The following PRR14L variants were observed in gnomAD, a reference collection of about 807,000 sequenced individuals.
The protein encoded by PRR14L is proline rich 14 like.
Under a neutral mutation model 155.0 loss-of-function variants are expected in PRR14L, and 80 were observed. That is an observed-to-expected ratio of 0.52 (90% CI 0.43 to 0.62). The LOEUF (loss-of-function observed/expected upper bound fraction) is 0.62, where lower values mean the gene tolerates loss of function less well. Ranked by LOEUF, PRR14L falls within the 20% of genes least tolerant of loss-of-function variation. The probability of loss-of-function intolerance (pLI) is 0.00; values close to 1 mark genes in which losing one functional copy is unlikely to be tolerated. For missense variants in PRR14L, 2,469 were observed against 2,548.0 expected, an observed-to-expected ratio of 0.97 and a Z score of 0.67; for synonymous variants, 883 against 916.0, an observed-to-expected ratio of 0.96 and a Z score of 0.65.
intron 1 of PRR14L, among the ~76,000 whole-genome samples, chr22:31,746,820 G>A (rs1205868026): frequency 2.1e-5 from 3 of 141,750 alleles, no homozygotes; most frequent in Non-Finnish European, 3.0e-5. Flanking sequence ...TTTTTGAGAC[G>A]GAGTCTCACT....
chr22:31,733,992 G>A (rs752374846), intron 2 of PRR14L, among the ~76,000 whole-genome samples: 2 of 151,264 alleles, frequency 1.3e-5, no homozygotes, highest in African/African-American at 2.4e-5. Flanking sequence ...TTCTTTTTTT[G>A]AAAGGGAGTC....
chr22:31,716,488 G>A lies in PRR14L; in HGVS notation c.1351C>T (p.Leu451Phe), dbSNP rs550769600. ...NIHNNCIQDS[L>F]HTGNSSSLMP... The stretch of plus-strand genomic sequence containing the variant: ...AAAGAACTAGAGTTCCCTGTATGGA[G>A]ACTGTCTTGAATGCAGTTATTGTGG... Residue 451 changes from leucine (L) to phenylalanine (F), a missense_variant, in exon 4 of 9, where the codon CTC becomes TTC. Leu to Phe is a conservative substitution (Grantham distance 22). Around this residue, in one of 2 missense-constraint regions of PRR14L, gnomAD observed 2,363 missense variants for 2,371.6 expected, o/e 1.00. Coordinates refer to ENST00000327423, the MANE Select transcript of PRR14L (RefSeq NM_173566.3). 1.0e-5 allele frequency: 16 copies of A among 1,549,580 alleles called. No homozygotes were observed. Among genetic ancestry groups the A allele is most frequent in the African/African-American group, 8.2e-5 (6 of 72,946 alleles).
chr22:31,684,844 AAAT>A lies in PRR14L; in HGVS notation c.*680_*682del. ...ACAAAAAAGAAAATAAAACAAATGA[AAAT>A]AATCCACACCACAACATTAAAAAGT... On this transcript the variant is annotated 3_prime_UTR_variant, in exon 9 of 9. Transcript: ENST00000327423. The A allele has an allele frequency of 6.6e-6, 1 of 152,218 alleles. No individual in the cohort carries two copies. Among genetic ancestry groups the A allele is most frequent in the Middle Eastern group, 3.2e-3 (1 of 316 alleles). 9.4% of individuals were successfully genotyped at this position (152,218 alleles called of 1,614,324 possible).
intron 7 of PRR14L, among the ~76,000 whole-genome samples, chr22:31,698,799 G>A (rs986752462): frequency 1.3e-5 from 2 of 151,046 alleles, no homozygotes; most frequent in Admixed American, 6.6e-5. Context: ...GCGGGCGCCT[G>A]TAGTCCCAGC....
At chr22:31,730,288 A>C (rs1156962653) in intron 2 of PRR14L, among the ~76,000 whole-genome samples, 1 of 152,104 alleles carries the variant, frequency 6.6e-6, no homozygotes, top group Non-Finnish European at 1.5e-5. Context: ...AAATACAAAA[A>C]TTAGCTGGCC....
chr22:31,725,168 G>A (rs1390639831), intron 3 of PRR14L, among the ~76,000 whole-genome samples: 2 of 152,172 alleles, frequency 1.3e-5, no homozygotes, highest in African/African-American at 2.4e-5. Flanking sequence ...GCAGAGGCAG[G>A]AGGATCACTT....
intron 1 of PRR14L, among the ~76,000 whole-genome samples, chr22:31,744,251 G>A (rs1250374657): frequency 3.3e-5 from 5 of 151,552 alleles, no homozygotes; most frequent in Non-Finnish European, 5.9e-5. Context: ...TCCCGCCCCA[G>A]CCTCCTGAGT....
At chr22:31,688,088 A>C (rs2074491581) in intron 8 of PRR14L, 68 bp downstream of exon 8, 3 of 1,456,732 alleles carry the variant, frequency 2.1e-6, no homozygotes, top group Non-Finnish European at 2.8e-6. Context: ...TTCTAAAGTG[A>C]AAGGGCTGGA....
At chr22:31,705,640 G>A (rs1473715156) in intron 4 of PRR14L, among the ~76,000 whole-genome samples, 1 of 151,772 alleles carries the variant, frequency 6.6e-6, no homozygotes, top group Non-Finnish European at 1.5e-5. Context: ...CCAAAGTGCT[G>A]GCATTACAGG....
At chr22:31,718,046 G>A (rs1288517371) in intron 3 of PRR14L, among the ~76,000 whole-genome samples, 1 of 150,934 alleles carries the variant, frequency 6.6e-6, no homozygotes, top group Non-Finnish European at 1.5e-5. Context: ...TCCTGCTTCA[G>A]CCTCCTGAGT....
intron 2 of PRR14L, among the ~76,000 whole-genome samples, chr22:31,734,474 C>A (rs2074767866): frequency 6.6e-6 from 1 of 152,160 alleles, no homozygotes; most frequent in African/African-American, 2.4e-5. Context: ...CTGGGGTTTG[C>A]AAATCTGAAA....
In PRR14L at chr22:31,684,635, G is replaced by A. The variant is rs1740343309; in HGVS notation, c.*892C>T. 1 of 152,198 alleles carries A rather than the reference G, an allele frequency of 6.6e-6. No homozygotes were observed. Among genetic ancestry groups the A allele is most frequent in the African/African-American group, 2.4e-5 (1 of 41,434 alleles). The allele number at this position is 152,198 out of a possible 1,614,324, so 9.4% of individuals were successfully genotyped here. ...CCTCTAATGAGTTACACTAGAAGCT[G>A]GAGATGGGGAAGGGATTGCCTGAAA... On this transcript the variant is annotated 3_prime_UTR_variant, in exon 9 of 9. Transcript: ENST00000327423.
intron 3 of PRR14L, among the ~76,000 whole-genome samples, chr22:31,721,628 C>T (rs575908947): frequency 6.6e-6 from 1 of 151,264 alleles, no homozygotes; most frequent in African/African-American, 2.4e-5. Context: ...AAGCAGCAGA[C>T]ATATGATTGT....
chr22:31,704,133 T>C (rs112153936), intron 5 of PRR14L, among the ~76,000 whole-genome samples: 58 of 152,308 alleles, frequency 3.8e-4, no homozygotes, highest in Non-Finnish European at 7.6e-4. Flanking sequence ...TACTTTTTCT[T>C]TCTTTCCAGA....
At chr22:31,689,271 C>G (rs1437740040) in intron 7 of PRR14L, among the ~76,000 whole-genome samples, 1 of 152,010 alleles carries the variant, frequency 6.6e-6, no homozygotes, top group Admixed American at 6.6e-5. Flanking sequence ...ATTGTTGAGC[C>G]CAAGAGTTCG....
At chr22:31,698,232 C>G (rs1362445658) in intron 7 of PRR14L, among the ~76,000 whole-genome samples, 1 of 151,922 alleles carries the variant, frequency 6.6e-6, no homozygotes, top group Non-Finnish European at 1.5e-5. Context: ...ACTATGTTGG[C>G]CAGGCTGGTC....
intron 1 of PRR14L, 61 bp from the exon 2 acceptor site, chr22:31,738,972 C>T (rs1284213155): frequency 1.1e-5 from 8 of 726,020 alleles, no homozygotes; most frequent in Non-Finnish European, 1.8e-5. Context: ...AAGAAGGCTG[C>T]CTCAGTTCAA....
At chr22:31,702,211 C>G (rs1260238016) in intron 6 of PRR14L, among the ~76,000 whole-genome samples, 2 of 132,328 alleles carry the variant, frequency 1.5e-5, no homozygotes, top group African/African-American at 6.8e-5. Context: ...CACTTCTATT[C>G]CTGCTTTTTT....
intron 1 of PRR14L, among the ~76,000 whole-genome samples, chr22:31,747,046 C>T (rs565175691): frequency 3.4e-4 from 51 of 152,002 alleles, no homozygotes; most frequent in South Asian, 8.3e-4. Flanking sequence ...CCTTGTGATC[C>T]GCCCGCCTCG....
Sources: gnomAD v4.1 joint callset for allele counts (sites outside exome capture counted in the v4.1 genomes callset) on GRCh38, gnomAD v4.1.1 for gene constraint, gnomAD v4.1.1 regional missense constraint, MANE v1.5 for transcripts, NCBI Gene and HGNC (gene_info 2026-07-23, HGNC 2026-07-21) for gene names.